PCDHGB2: variants seen among roughly 807,000 people sequenced by gnomAD.
PCDHGB2 encodes the protein protocadherin gamma-B2.
In PCDHGB2, 55 loss-of-function variants were observed where a neutral mutation model predicts 59.3. The ratio of observed to expected loss-of-function variants is 0.93; its 90% CI spans 0.75 to 1.16. The LOEUF is 1.16. PCDHGB2 is among the 50% of genes most tolerant of loss of function. The pLI, the probability that PCDHGB2 is intolerant of heterozygous loss-of-function variation, is 0.00. For synonymous variants in PCDHGB2, 516 were observed against 512.0 expected, an observed-to-expected ratio of 1.01 and a Z score of -0.11; for missense variants, 1,228 against 1,198.5, an observed-to-expected ratio of 1.02 and a Z score of -0.36.
intron 1 of PCDHGB2, chr5:141,392,935 A>G: frequency 1.2e-6 from 2 of 1,613,932 alleles, no homozygotes; most frequent in Non-Finnish European, 1.7e-6. Flanking sequence ...GAGACGGACA[A>G]AGGCTCCTTC....
At chr5:141,400,233 C>A (rs373858401) in intron 1 of PCDHGB2, 2 of 1,613,988 alleles carry the variant, frequency 1.2e-6, no homozygotes, top group African/African-American at 1.3e-5. Flanking sequence ...TCCTCCTGGC[C>A]GTGATTCTGG....
At chr5:141,383,483 T>A (rs1779176353) in intron 1 of PCDHGB2, 1 of 1,613,378 alleles carries the variant, frequency 6.2e-7, no homozygotes, top group Non-Finnish European at 8.5e-7. Flanking sequence ...CCGGAACTGG[T>A]GCTGGAGCGG....
At position 141,430,917 on chromosome 5, in the gene PCDHGB2, G is replaced by A. The variant is rs2097324810; in HGVS notation, c.2422-63890G>A. ...GTGGGCGACATCTCCAGGGACCTGG[G>A]GCTGGAGCCCCGGGAGCTCGCGGAG... On this transcript the variant is annotated intron_variant, in intron 1 of 3. Coordinates refer to ENST00000522605, the MANE Select transcript of PCDHGB2 (RefSeq NM_018923.3). The A allele has an allele frequency of 1.9e-6, 3 of 1,607,956 alleles. No individual in the cohort carries two copies. The highest frequency in any genetic ancestry group is 2.5e-6 in the Non-Finnish European group (3 of 1,177,520).
In PCDHGB2 at chr5:141,383,199, G is replaced by A. The variant is rs574670513; in HGVS notation, c.2421+20643G>A. The stretch of plus-strand genomic sequence containing the variant: ...GGGAAGAGATCTGCGCTCAGAGTGC[G>A]CGGTGTCTGGTAAACTTTAACATCC... On this transcript the variant is annotated intron_variant, in intron 1 of 3. Transcript: ENST00000522605. 6.2e-6 allele frequency: 10 copies of A among 1,614,040 alleles called. No homozygotes were observed. The East Asian group carries it at 1.8e-4, about 29-fold the overall frequency.
At chr5:141,371,090 C>T (rs764906419) in intron 1 of PCDHGB2, 1 of 1,613,820 alleles carries the variant, frequency 6.2e-7, no homozygotes, top group Admixed American at 1.7e-5. Flanking sequence ...GGGTAATTGT[C>T]GCAGATGCAA....
In PCDHGB2 at chr5:141,432,866, G is replaced by C. The variant is rs139832920; in HGVS notation, c.2422-61941G>C. 8 of 1,614,152 alleles carry C rather than the reference G, an allele frequency of 5.0e-6. No individual in the cohort carries two copies. Among genetic ancestry groups the C allele is most frequent in the South Asian group, 2.2e-5 (2 of 91,074 alleles). On this transcript the variant is annotated intron_variant, in intron 1 of 3. Coordinates refer to ENST00000522605, the MANE Select transcript of PCDHGB2 (RefSeq NM_018923.3). The surrounding 1 kb of genome is among the most constrained non-coding windows in gnomAD (Gnocchi z 6.0). ...GGTAGCGGTGGCCGCGGTCTCCTGC[G>C]TCTTCCTGGCCTTCGTCATCTTGCT...
chr5:141,422,940 C>G, intron 1 of PCDHGB2: 3 of 1,614,242 alleles, frequency 1.9e-6, no homozygotes, highest in Non-Finnish European at 1.7e-6. Context: ...TCCCCACAGA[C>G]GGCTCCACTG....
intron 1 of PCDHGB2, among the ~76,000 whole-genome samples, chr5:141,381,404 T>A (rs78789599): frequency 5.8e-4 from 89 of 152,360 alleles, no homozygotes; most frequent in African/African-American, 2.0e-3. Context: ...TCTATCAACA[T>A]CAGTGGAGAG....
intron 1 of PCDHGB2, chr5:141,364,162 G>T (rs1431333863): frequency 1.5e-6 from 1 of 667,104 alleles, no homozygotes; most frequent in Non-Finnish European, 2.2e-6. Context: ...CCGCAGAGGC[G>T]ACCCGACTCT....
intron 1 of PCDHGB2, chr5:141,399,459 C>A (rs897098728): frequency 6.2e-7 from 1 of 1,614,012 alleles, no homozygotes; most frequent in African/African-American, 1.3e-5. Flanking sequence ...TCAACGATAA[C>A]GCTCCGGTTT....
At chr5:141,408,513 T>C in intron 1 of PCDHGB2, 2 of 1,614,034 alleles carry the variant, frequency 1.2e-6, no homozygotes, top group East Asian at 4.5e-5. Context: ...AGATGTGAGT[T>C]GCAATTGGAA....
intron 1 of PCDHGB2, chr5:141,374,093 C>T (rs1039229802): frequency 6.4e-7 from 1 of 1,554,822 alleles, no homozygotes; most frequent in Middle Eastern, 1.8e-4. Context: ...AATGGCGCCT[C>T]CGCAGAGGCA....
chr5:141,415,411 G>A (rs754595054), intron 1 of PCDHGB2: 45 of 1,614,112 alleles, frequency 2.8e-5, no homozygotes, highest in Non-Finnish European at 3.6e-5. Context: ...GCACTTTGTG[G>A]GCGTGGACGG....
At position 141,490,909 on chromosome 5, in the gene PCDHGB2, G is replaced by A. The variant is rs1170664693; in HGVS notation, c.2422-3898G>A. On this transcript the variant is annotated intron_variant, in intron 1 of 3. Coordinates refer to ENST00000522605, the MANE Select transcript of PCDHGB2 (RefSeq NM_018923.3). The surrounding 1 kb of genome is among the most constrained non-coding windows in gnomAD (Gnocchi z 5.4). ...ATCTCTGCATGTGTTTGTCCTAGAC[G>A]AGAATGATAATGCCCCAGCTGTGCT... The A allele has an allele frequency of 1.1e-5, 17 of 1,613,626 alleles. No individual in the cohort carries two copies. Among genetic ancestry groups the A allele is most frequent in the East Asian group, 4.5e-5 (2 of 44,882 alleles).
intron 1 of PCDHGB2, chr5:141,395,512 A>C: frequency 4.7e-6 from 2 of 421,514 alleles, no homozygotes; most frequent in Non-Finnish European, 8.4e-6. Flanking sequence ...AGAAGTAGCT[A>C]CCCGTCCATA....
chr5:141,385,615 T>C, intron 1 of PCDHGB2: 2 of 1,097,512 alleles, frequency 1.8e-6, no homozygotes, highest in East Asian at 4.2e-5. Flanking sequence ...ATATATTTTA[T>C]ACATTGGAAT....
At chr5:141,385,137 G>A in intron 1 of PCDHGB2, 1 of 1,614,232 alleles carries the variant, frequency 6.2e-7, no homozygotes, top group Non-Finnish European at 8.5e-7. Context: ...TGGACGGGGT[G>A]CAGGCTTTCC....
chr5:141,448,543 G>C (rs1001667281), intron 1 of PCDHGB2, among the ~76,000 whole-genome samples: 3 of 151,988 alleles, frequency 2.0e-5, no homozygotes, highest in Admixed American at 6.6e-5. Context: ...CATTTCTTAT[G>C]CAAATATGTA....
rs200646513 is a variant in PCDHGB2, at chr5:141,421,389, G to A, written c.2421+58833G>A. ...TGGGCAATATCTCCAAGGACCTGGG[G>A]CTGGAGCCCCGGGAGCTGGCGAAGC... On this transcript the variant is annotated intron_variant, in intron 1 of 3. Coordinates refer to ENST00000522605, the MANE Select transcript of PCDHGB2 (RefSeq NM_018923.3). The A allele has an allele frequency of 1.7e-3, 2,771 of 1,614,052 alleles. 5 individuals carry two copies. The highest frequency in any genetic ancestry group is 2.2e-3 in the Non-Finnish European group (2,560 of 1,179,918).
Sources: allele counts gnomAD v4.1 joint callset (sites outside exome capture counted in the v4.1 genomes callset), GRCh38; gene constraint gnomAD v4.1.1; non-coding constraint Gnocchi (gnomAD v3.1); transcripts MANE v1.5; gene names NCBI Gene and HGNC (gene_info 2026-07-23, HGNC 2026-07-21).